SMARCA4: variants seen among roughly 807,000 people sequenced by gnomAD.
SMARCA4 encodes SWI/SNF-related matrix-associated actin-dependent regulator of chromatin subfamily A member 4.
A neutral mutation model predicts 193.9 loss-of-function variants in SMARCA4; 31 were observed. The observed-to-expected ratio is 0.16, with a 90% CI of 0.12 to 0.22. SMARCA4 has a LOEUF of 0.22. SMARCA4 is among the 10% of genes least tolerant of loss of function. The pLI, the probability that SMARCA4 is intolerant of heterozygous loss-of-function variation, is 1.00. For synonymous variants in SMARCA4, 942 were observed against 933.1 expected (o/e 1.01, Z -0.17); for missense variants, 1,148 against 2,296.0 (o/e 0.50, Z 10.22).
intron 1 of SMARCA4, among the ~76,000 whole-genome samples, chr19:10,977,384 T>C (rs2145624577): frequency 6.6e-6 from 1 of 152,106 alleles, no homozygotes; most frequent in East Asian, 1.9e-4. Context: ...AGTGCAGTGG[T>C]GTGATCTCGG....
rs2145847907 is a variant in SMARCA4 at position 10,989,362 on chromosome 19, T to C, written c.1164T>C (p.Leu388=). 6.2e-7 allele frequency: 1 copy of C among 1,614,082 alleles called. No homozygotes were observed. The highest frequency in any genetic ancestry group is 1.1e-5 in the South Asian group (1 of 91,084). Residue 388 remains leucine, a synonymous_variant, in exon 7 of 35, where the codon CTT becomes CTC. Coordinates refer to ENST00000344626, the MANE Select transcript of SMARCA4 (RefSeq NM_003072.5). ...ACCGAATTCAGGAACTTGAAAACCTTCCCGGGTCCCTGGCCGGGGATTTGC... is the reference window on the plus strand; with the variant it reads ...ACCGAATTCAGGAACTTGAAAACCTCCCCGGGTCCCTGGCCGGGGATTTGC... ...IAHRIQELEN[L]PGSLAGDLRT...
At chr19:10,995,031 T>C (rs2145944608) in intron 9 of SMARCA4, 30 bp downstream of exon 9, 1 of 1,582,064 alleles carries the variant, frequency 6.3e-7, no homozygotes, top group Non-Finnish European at 8.6e-7. Context: ...ACGTGCGCTC[T>C]TCTACATGTG....
chr19:10,961,578 C>G (rs915965149), intron 1 of SMARCA4: 1 of 152,190 alleles, frequency 6.6e-6, no homozygotes, highest in East Asian at 1.9e-4. Flanking sequence ...GGGTCCGACC[C>G]GAATGTTGCG....
chr19:11,034,273 T>A lies in SMARCA4; in HGVS notation c.3951+73T>A. On this transcript the variant is annotated intron_variant, in intron 28 of 34. Coordinates refer to ENST00000344626, the MANE Select transcript of SMARCA4 (RefSeq NM_003072.5). The surrounding 1 kb of genome is among the most constrained non-coding windows in gnomAD (Gnocchi z 7.0). ...GCCACCAGGAGCAAAGCAGACGTCC[T>A]AGTGCCCATGGTGGTATCCCTAGCA... 8.5e-7 allele frequency: 1 copy of A among 1,183,004 alleles called. No homozygotes were observed. Among genetic ancestry groups the A allele is most frequent in the Non-Finnish European group, 1.3e-6 (1 of 789,580 alleles). The allele number at this position is 1,183,004 out of a possible 1,614,324, so 73.3% of individuals were successfully genotyped here. A position where few individuals can be genotyped will look rare whatever the true frequency, so the allele number is the denominator to read the frequency against.
rs891010465 is a variant in SMARCA4 at position 10,986,260 on chromosome 19, C to T, written c.427C>T (p.Pro143Ser). Residue 143 changes from proline (P) to serine (S), a missense_variant, in exon 4 of 35, where the codon CCC becomes TCC. Around this residue, in one of 17 missense-constraint regions of SMARCA4, gnomAD observed 201 missense variants for 248.3 expected, o/e 0.81. Coordinates refer to ENST00000344626, the MANE Select transcript of SMARCA4 (RefSeq NM_003072.5). The surrounding 1 kb of genome is among the most constrained non-coding windows in gnomAD (Gnocchi z 6.7). ...PVPASGPSSG[P>S]QMSSGPGGAP... The stretch of plus-strand genomic sequence containing the variant: ...TCCAGCCAGTGGCCCGTCTTCGGGG[C>T]CCCAGATGTCTTCCGGGCCAGGAGG... The T allele has an allele frequency of 3.7e-6, 6 of 1,613,852 alleles. No homozygotes were observed. The highest frequency in any genetic ancestry group is 2.5e-6 in the Non-Finnish European group (3 of 1,179,980).
rs1038024089 is a variant in SMARCA4, at chr19:11,031,384, C to T, written c.3546+491C>T. 2 of 177,464 alleles carry T rather than the reference C, an allele frequency of 1.1e-5. No homozygotes were observed. The highest frequency in any genetic ancestry group is 4.7e-5 in the African/African-American group (2 of 42,414). 11.0% of individuals were successfully genotyped at this position (177,464 alleles called of 1,614,324 possible). On this transcript the variant is annotated intron_variant, in intron 25 of 34. Coordinates refer to ENST00000344626, the MANE Select transcript of SMARCA4 (RefSeq NM_003072.5). The surrounding 1 kb of genome is among the most constrained non-coding windows in gnomAD (Gnocchi z 4.3). ...ACCAGGTCATGCTGTTACATAGCTA[C>T]AAGAATTTGAAAATGAGTTAAACTT...
At chr19:10,993,320 A>G (rs1274515914) in intron 8 of SMARCA4, among the ~76,000 whole-genome samples, 1 of 152,088 alleles carries the variant, frequency 6.6e-6, no homozygotes, top group Non-Finnish European at 1.5e-5. Flanking sequence ...TGGAAACATG[A>G]CTTTTGATGT....
chr19:11,054,192 A>G (rs954189065), intron 30 of SMARCA4, among the ~76,000 whole-genome samples: 21 of 152,220 alleles, frequency 1.4e-4, no homozygotes, highest in Non-Finnish European at 2.5e-4. Flanking sequence ...TCTCCCAGAT[A>G]AATTCCTAGG....
intron 23 of SMARCA4, 69 bp from the exon 24 acceptor site, chr19:11,027,715 G>T: frequency 1.3e-6 from 2 of 1,580,548 alleles, no homozygotes; most frequent in Non-Finnish European, 8.7e-7. Flanking sequence ...TGCACCTCCT[G>T]CCTTACCTGC....
rs1243459998 is a variant in SMARCA4 at position 10,985,192 on chromosome 19, G to C, written c.223-81G>C. ...GGGTGGCTGTTCTCGGTGCCCTCGA[G>C]CTTCTCTCGGGCAGCGCATAGCTGC... On this transcript the variant is annotated intron_variant, in intron 2 of 34. Coordinates refer to ENST00000344626, the MANE Select transcript of SMARCA4 (RefSeq NM_003072.5). This position sits in a 1 kb window ranked among gnomAD's most constrained non-coding sequence, Gnocchi z 4.5. 2.0e-6 allele frequency: 3 copies of C among 1,493,868 alleles called. No homozygotes were observed. 92.5% of individuals were successfully genotyped at this position (1,493,868 alleles called of 1,614,324 possible).
At chr19:11,061,188 T>TAAAAAAAAAAAAAA (rs140377414) in intron 34 of SMARCA4, among the ~76,000 whole-genome samples, 6 of 68,854 alleles carry the variant, frequency 8.7e-5, no homozygotes, top group East Asian at 4.5e-4. Context: ...ACCCTGTCTT[T>TAAAAAAAAAAAAAA]AAAAAAAAAA....
intron 30 of SMARCA4, among the ~76,000 whole-genome samples, chr19:11,053,469 G>A (rs1968447): frequency 0.58 from 81,896 of 141,814 alleles, 24,118 homozygotes; most frequent in East Asian, 0.74. Context: ...AAAAAAAAAA[G>A]AAAGAAATTC....
intron 1 of SMARCA4, among the ~76,000 whole-genome samples, chr19:10,968,992 C>T (rs986258300): frequency 1.1e-4 from 17 of 152,200 alleles, no homozygotes; most frequent in African/African-American, 4.1e-4. Flanking sequence ...CTCTGCCCTT[C>T]CTCGACCTTC....
In SMARCA4 at chr19:10,996,105, C is replaced by T. The variant is rs12462572; in HGVS notation, c.1594-108C>T. On this transcript the variant is annotated intron_variant, in intron 9 of 34. Transcript: ENST00000344626. ...TGTGAAGGGCTGGTGGCACGGCACC[C>T]GCGTGAGCTACGCGTGCCCTCAGTG... 1,356 of 1,095,128 alleles carry T rather than the reference C, an allele frequency of 1.2e-3. 10 individuals carry two copies. Among genetic ancestry groups the T allele is most frequent in the Middle Eastern group, 5.2e-3 (26 of 5,040 alleles). The allele number at this position is 1,095,128 out of a possible 1,614,324, so 67.8% of individuals were successfully genotyped here.
chr19:10,989,510 C>T (rs1227074462), intron 7 of SMARCA4, 67 bp downstream of exon 7: 9 of 1,582,686 alleles, frequency 5.7e-6, no homozygotes, highest in Non-Finnish European at 7.8e-6. Flanking sequence ...GCTAAGGCTC[C>T]AAATACGGCT....
intron 1 of SMARCA4, among the ~76,000 whole-genome samples, chr19:10,965,676 G>A (rs2084157243): frequency 6.6e-6 from 1 of 152,144 alleles, no homozygotes; most frequent in Non-Finnish European, 1.5e-5. Flanking sequence ...ATAGCCTATT[G>A]TTCCCAGGCT....
chr19:10,968,339 A>T (rs2084400239), intron 1 of SMARCA4, among the ~76,000 whole-genome samples: 1 of 150,958 alleles, frequency 6.6e-6, no homozygotes, highest in South Asian at 2.1e-4. Context: ...GCTTTTGGGG[A>T]CTCTGTTACC....
chr19:11,022,650 C>T (rs927099939), intron 19 of SMARCA4, among the ~76,000 whole-genome samples: 3 of 152,152 alleles, frequency 2.0e-5, no homozygotes, highest in African/African-American at 7.2e-5. Context: ...GTGCCCTGCC[C>T]AGCACGGCTG....
intron 30 of SMARCA4, among the ~76,000 whole-genome samples, chr19:11,042,420 C>T (rs1367388432): frequency 6.6e-6 from 1 of 152,242 alleles, no homozygotes; most frequent in Admixed American, 6.5e-5. Flanking sequence ...AAGGCCCATG[C>T]CTGGCCCAGG....
Sources: gnomAD v4.1 joint callset for allele counts (sites outside exome capture counted in the v4.1 genomes callset) on GRCh38, gnomAD v4.1.1 for gene constraint, gnomAD v4.1.1 regional missense constraint, Gnocchi (gnomAD v3.1) non-coding constraint, MANE v1.5 for transcripts, NCBI Gene and HGNC (gene_info 2026-07-23, HGNC 2026-07-21) for gene names.